ABCA5: variants seen among roughly 807,000 people sequenced by gnomAD.
ABCA5 encodes cholesterol transporter ABCA5.
In ABCA5, 163 loss-of-function variants were observed where a neutral mutation model predicts 206.0. The ratio of observed to expected loss-of-function variants is 0.79; its 90% CI spans 0.70 to 0.90. The LOEUF is 0.90. Among genes scored for constraint, ABCA5 ranks in the 40% least tolerant of loss-of-function variants. The pLI, the probability that ABCA5 is intolerant of heterozygous loss-of-function variation, is 0.00. For synonymous variants in ABCA5, 609 were observed against 613.8 expected (o/e 0.99, Z 0.11); for missense variants, 1,859 against 1,912.9 (o/e 0.97, Z 0.53).
At chr17:69,253,285 G>C (rs1054513501) in intron 34 of ABCA5, among the ~76,000 whole-genome samples, 2 of 152,148 alleles carry the variant, frequency 1.3e-5, no homozygotes, top group Admixed American at 6.5e-5. Flanking sequence ...TAAATGACTA[G>C]AAAAAAACTT....
rs1337956607 is a variant in ABCA5 at position 69,267,930 on chromosome 17, A to C, written c.3144+13T>G. On this transcript the variant is annotated intron_variant, in intron 23 of 38. Coordinates refer to ENST00000392676, the MANE Select transcript of ABCA5 (RefSeq NM_172232.4). Reference sequence around the variant, plus strand: ...CTTATTAGCAAATTATATATTTTTAACTGAGTCATTACCTTATGATTCTCT... The same window carrying C: ...CTTATTAGCAAATTATATATTTTTACCTGAGTCATTACCTTATGATTCTCT... The C allele has an allele frequency of 1.4e-6, 2 of 1,479,714 alleles. No individual in the cohort carries two copies. Among genetic ancestry groups the C allele is most frequent in the Non-Finnish European group, 1.9e-6 (2 of 1,066,022 alleles). 91.7% of individuals were successfully genotyped at this position (1,479,714 alleles called of 1,614,324 possible). A position where few individuals can be genotyped will look rare whatever the true frequency, so the allele number is the denominator to read the frequency against.
intron 3 of ABCA5, among the ~76,000 whole-genome samples, chr17:69,309,773 G>A (rs972173935): frequency 2.0e-5 from 3 of 152,050 alleles, no homozygotes; most frequent in Admixed American, 1.3e-4. Flanking sequence ...CTAGGAGGTC[G>A]AGGCTGCAGT....
chr17:69,322,805 T>C (rs12949267), intron 1 of ABCA5, among the ~76,000 whole-genome samples: 96,350 of 152,044 alleles, frequency 0.63, 30,682 homozygotes, highest in Non-Finnish European at 0.68. Flanking sequence ...ATTATTTTCA[T>C]AGAGACCTGA....
intron 14 of ABCA5, 110 bp from the exon 15 acceptor site, chr17:69,287,861 G>C: frequency 9.6e-7 from 1 of 1,045,594 alleles, no homozygotes; most frequent in Non-Finnish European, 1.3e-6. Flanking sequence ...TTTTCAATCA[G>C]AAATATATTA....
Position 69,252,178 on chromosome 17 carries a change from A to ATT in ABCA5, c.4416-314_4416-313dup, listed in dbSNP as rs35678568. ...AGGTGCCTGCCACCACACCCGGCTA[A>ATT]TTTTTTTTTGTATTTTTAATAGAGA... On this transcript the variant is annotated intron_variant, in intron 34 of 38. Transcript: ENST00000392676. Among the ~76,000 whole-genome samples, 147 of 150,382 alleles carry ATT rather than the reference A, an allele frequency of 9.8e-4. No homozygotes were observed. In the Middle Eastern group the frequency reaches 0.01, roughly 11 times the overall value.
At chr17:69,319,186 A>G (rs938729768) in intron 1 of ABCA5, among the ~76,000 whole-genome samples, 1 of 152,230 alleles carries the variant, frequency 6.6e-6, no homozygotes, top group Non-Finnish European at 1.5e-5. Flanking sequence ...GTACTCATTC[A>G]AGCATTATTT....
intron 14 of ABCA5, 29 bp from the exon 15 acceptor site, chr17:69,287,780 G>A (rs762789034): frequency 1.3e-6 from 2 of 1,596,306 alleles, no homozygotes; most frequent in Non-Finnish European, 1.7e-6. Context: ...AGAAGGGCAG[G>A]GAATCCTCAG....
chr17:69,250,495 G>A lies in ABCA5; in HGVS notation c.4662C>T (p.Phe1554=). Residue 1554 remains phenylalanine, a synonymous_variant, in exon 36 of 39, where the codon TTC becomes TTT. Transcript: ENST00000392676. ...ACCTTTCCTGACGGCTTGCATTTGG[G>A]AAAATATACTGAATTTCTCTTTGAA... ...DRLQREIQYI[F]PNASRQESFS... is the part of the protein sequence containing the mutation. 1 of 1,607,214 alleles carries A rather than the reference G, an allele frequency of 6.2e-7. No homozygotes were observed. Among genetic ancestry groups the A allele is most frequent in the Non-Finnish European group, 8.5e-7 (1 of 1,177,612 alleles).
intron 35 of ABCA5, 26 bp downstream of exon 35, chr17:69,251,721 G>A: frequency 6.3e-7 from 1 of 1,599,998 alleles, no homozygotes; most frequent in Non-Finnish European, 8.5e-7. Flanking sequence ...CTCTTCCCCT[G>A]AATGGCACGC....
intron 15 of ABCA5, among the ~76,000 whole-genome samples, chr17:69,286,858 T>C (rs2075460362): frequency 6.6e-6 from 1 of 152,208 alleles, no homozygotes; most frequent in African/African-American, 2.4e-5. Flanking sequence ...AAGTCATGTG[T>C]TGACTTCAAC....
chr17:69,249,917 T>TA lies in ABCA5; in HGVS notation c.4752dup (p.Lys1585Ter), dbSNP rs1165714943. ...AGATACTACTTACCTTCTTCCAGCTTAAAAAAAGATTGTGAAAGGGACTGA... is the reference window on the plus strand; with the variant it reads ...AGATACTACTTACCTTCTTCCAGCTTAAAAAAAAGATTGTGAAAGGGACTGA... On this transcript the variant is annotated frameshift_variant, in exon 37 of 39. Coordinates refer to ENST00000392676, the MANE Select transcript of ABCA5 (RefSeq NM_172232.4). LOFTEE classifies it high-confidence loss of function. The TA allele has an allele frequency of 5.1e-6, 8 of 1,554,976 alleles. No individual in the cohort carries two copies. The highest frequency in any genetic ancestry group is 2.3e-5 in the East Asian group (1 of 44,156).
chr17:69,250,093 TG>T (rs999631289), intron 36 of ABCA5, 109 bp from the exon 37 acceptor site: 8 of 719,960 alleles, frequency 1.1e-5, no homozygotes, highest in African/African-American at 1.8e-5. Flanking sequence ...TAACTTATTT[TG>T]GTATTTAGTT....
At chr17:69,279,437 C>A (rs1390281250) in intron 18 of ABCA5, among the ~76,000 whole-genome samples, 1 of 151,984 alleles carries the variant, frequency 6.6e-6, no homozygotes, top group Non-Finnish European at 1.5e-5. Flanking sequence ...GAACCAATAT[C>A]GTGAAAATGG....
At chr17:69,303,845 C>T (rs56110313) in intron 7 of ABCA5, among the ~76,000 whole-genome samples, 114 of 6,204 alleles carry the variant, frequency 0.018, 23 homozygotes, top group Non-Finnish European at 0.036. Flanking sequence ...TATATACATA[C>T]ATATATATAT....
chr17:69,283,900 T>C (rs1334415443), intron 18 of ABCA5, 53 bp downstream of exon 18: 2 of 1,539,130 alleles, frequency 1.3e-6, no homozygotes, highest in South Asian at 2.6e-5. Flanking sequence ...TTTTGTCTTA[T>C]TCACCATCTG....
In ABCA5 at chr17:69,251,875, CAT is replaced by C. The variant is rs2075017496; in HGVS notation, c.4416-11_4416-10del. 6.2e-7 allele frequency: 1 copy of C among 1,608,484 alleles called. No individual in the cohort carries two copies. Among genetic ancestry groups the C allele is most frequent in the Non-Finnish European group, 8.5e-7 (1 of 1,178,752 alleles). ...CAGTTCGAATTGCTCGCCTATAAAA[CAT>C]AAATAAAACAAAAAGAGAGGAACAC... On this transcript the variant is annotated splice_polypyrimidine_tract_variant and intron_variant, in intron 34 of 38. Transcript: ENST00000392676.
intron 35 of ABCA5, 63 bp downstream of exon 35, chr17:69,251,681 AATG>A (rs1257717001): frequency 1.3e-6 from 2 of 1,547,338 alleles, no homozygotes; most frequent in Non-Finnish European, 1.7e-6. Context: ...ATGTTTTTGA[AATG>A]ATGACTTTCA....
intron 8 of ABCA5, among the ~76,000 whole-genome samples, chr17:69,302,110 G>T (rs1469917414): frequency 6.6e-6 from 1 of 152,180 alleles, no homozygotes; most frequent in South Asian, 2.1e-4. Flanking sequence ...CTTATATTTA[G>T]TAATTACATT....
intron 8 of ABCA5, 106 bp downstream of exon 8, chr17:69,302,612 A>T (rs1175281111): frequency 1.1e-5 from 8 of 704,456 alleles, no homozygotes; most frequent in Non-Finnish European, 4.1e-6. Flanking sequence ...CTAAAATTTT[A>T]AAATAATTTT....
Sources: allele counts gnomAD v4.1 joint callset (sites outside exome capture counted in the v4.1 genomes callset), GRCh38; gene constraint gnomAD v4.1.1; transcripts MANE v1.5; gene names NCBI Gene and HGNC (gene_info 2026-07-23, HGNC 2026-07-21).